Variants in URI1 observed in about 807,000 individuals in gnomAD.
URI1 encodes unconventional prefoldin RPB5 interactor 1.
Under a neutral mutation model 60.2 loss-of-function variants are expected in URI1, and 39 were observed. The ratio of observed to expected loss-of-function variants is 0.65; its 90% CI spans 0.50 to 0.85. The LOEUF (loss-of-function observed/expected upper bound fraction) is 0.85, where lower values mean the gene tolerates loss of function less well. URI1 is among the 40% of genes least tolerant of loss of function. URI1 has a pLI of 0.00. For synonymous variants in URI1, 251 were observed against 236.8 expected, an observed-to-expected ratio of 1.06 and a Z score of -0.55; for missense variants, 691 against 665.9, an observed-to-expected ratio of 1.04 and a Z score of -0.42.
At chr19:29,958,297 T>C (rs1440817555) in intron 1 of URI1, among the ~76,000 whole-genome samples, 2 of 152,160 alleles carry the variant, frequency 1.3e-5, no homozygotes, top group East Asian at 3.8e-4. Flanking sequence ...GTTAGGACAT[T>C]GGGCTTTACA....
chr19:29,942,603 C>G lies in URI1; in HGVS notation c.56C>G (p.Ala19Gly). ...PPDPSPPSAP[A>G]PALVPLRAPD... ...GACCCCTCGCCCCCTTCGGCCCCGG[C>G]CCCTGCCCTGGTTCCGTTGCGCGCC... The change falls in exon 1 of 11, where the codon GCC (alanine) becomes GGC (glycine). Residue 19 changes from alanine to glycine, a missense_variant. Transcript: ENST00000392271. 6.8e-7 allele frequency: 1 copy of G among 1,469,184 alleles called. No homozygotes were observed. The allele number at this position is 1,469,184 out of a possible 1,614,324, so 91.0% of individuals were successfully genotyped here.
intron 1 of URI1, among the ~76,000 whole-genome samples, chr19:29,933,570 T>C (rs918116045): frequency 5.3e-5 from 8 of 152,104 alleles, no homozygotes; most frequent in African/African-American, 1.9e-4. Flanking sequence ...CCTGTAATCC[T>C]AGCACTTTTG....
At chr19:29,962,205 G>A (rs2055334642) in intron 1 of URI1, among the ~76,000 whole-genome samples, 1 of 151,316 alleles carries the variant, frequency 6.6e-6, no homozygotes, top group Non-Finnish European at 1.5e-5. Flanking sequence ...TTACTGGAGT[G>A]TCAAATGGTT....
chr19:29,991,702 T>C (rs1023616222), intron 4 of URI1, among the ~76,000 whole-genome samples: 1 of 152,132 alleles, frequency 6.6e-6, no homozygotes, highest in Non-Finnish European at 1.5e-5. Flanking sequence ...GGGGAAAAAT[T>C]TGGCATTTTA....
chr19:29,949,002 G>A (rs1272117722), intron 1 of URI1, among the ~76,000 whole-genome samples: 2 of 141,862 alleles, frequency 1.4e-5, no homozygotes, highest in Non-Finnish European at 3.1e-5. Context: ...CTGGCCAGGC[G>A]GGGGCTGCCC....
chr19:30,015,501 T>G lies in URI1; in HGVS notation c.*432T>G, dbSNP rs1433442663. On this transcript the variant is annotated 3_prime_UTR_variant, in exon 11 of 11. Transcript: ENST00000392271. ...AATTACATTACTTGCTTTCACATTT[T>G]AAAGGCACTTTAAAAAAATCTACTT... is the stretch of plus-strand genomic sequence containing the variant. 6.6e-7 allele frequency: 1 copy of G among 1,524,170 alleles called. No individual in the cohort carries two copies. Among genetic ancestry groups the G allele is most frequent in the East Asian group, 2.5e-5 (1 of 40,814 alleles). 94.4% of individuals were successfully genotyped at this position (1,524,170 alleles called of 1,614,324 possible).
chr19:29,959,347 T>TG (rs1344821175), intron 1 of URI1, among the ~76,000 whole-genome samples: 1 of 152,150 alleles, frequency 6.6e-6, no homozygotes, highest in African/African-American at 2.4e-5. Context: ...AGGCTGGTCT[T>TG]GAACTTCTGG....
chr19:30,012,532 G>A lies in URI1; in HGVS notation c.1425+1G>A. On this transcript the variant is annotated splice_donor_variant, in intron 10 of 10. Coordinates refer to ENST00000392271, the MANE Select transcript of URI1 (RefSeq NM_003796.3). LOFTEE classifies it high-confidence loss of function. ...TTTGCCCTTATCAGTAACACCTGAG[G>A]TGTGTGTGTGTATCTTTTAATTCTT... The A allele has an allele frequency of 6.2e-7, 1 of 1,612,306 alleles. No homozygotes were observed. The highest frequency in any genetic ancestry group is 8.5e-7 in the Non-Finnish European group (1 of 1,178,930).
At position 30,005,678 on chromosome 19, in the gene URI1, G is replaced by T. The variant is rs1486036777; in HGVS notation, c.487G>T (p.Glu163Ter). 2 of 1,611,998 alleles carry T rather than the reference G, an allele frequency of 1.2e-6. No homozygotes were observed. Among genetic ancestry groups the T allele is most frequent in the Non-Finnish European group, 1.7e-6 (2 of 1,179,142 alleles). ...DAAGDIVDIR[E>*]EIKCDFEFKA... ...TGCAGGTGATATTGTTGACATACGA[G>T]AAGAAATTAAATGTGACTTCGAATT... Residue 163 changes from glutamate to a stop codon, truncating the protein, a stop_gained, in exon 6 of 11, where the codon GAA becomes TAA. Transcript: ENST00000392271. LOFTEE classifies it high-confidence loss of function.
At chr19:29,929,672 G>A (rs1335691659) in intron 1 of URI1, among the ~76,000 whole-genome samples, 2 of 152,096 alleles carry the variant, frequency 1.3e-5, no homozygotes, top group Admixed American at 1.3e-4. Context: ...CTGTCATTGT[G>A]ATTCAGATTT....
At chr19:29,957,168 A>C (rs1386218296) in intron 1 of URI1, among the ~76,000 whole-genome samples, 6 of 152,114 alleles carry the variant, frequency 3.9e-5, no homozygotes, top group Non-Finnish European at 8.8e-5. Context: ...GTTTCTGTTG[A>C]CATCTGCAAC....
At position 29,942,663 on chromosome 19, in the gene URI1, A is replaced by G; in HGVS notation, c.116A>G (p.Lys39Arg). The change falls in exon 1 of 11, where the codon AAG becomes AGG. Residue 39 changes from lysine to arginine, a missense_variant and splice_region_variant. Transcript: ENST00000392271. ...GCGCGGCTGCGCGAGGAGCAGGAAA[A>G]GGTAACTAGCAGCCCCGCGCCGCTT... ...DVARLREEQE[K>R]VVTNCQERIQ... 1.4e-6 allele frequency: 2 copies of G among 1,431,100 alleles called. No individual in the cohort carries two copies. Among genetic ancestry groups the G allele is most frequent in the Admixed American group, 2.5e-5 (1 of 40,420 alleles). 88.7% of individuals were successfully genotyped at this position (1,431,100 alleles called of 1,614,324 possible). A position where few individuals can be genotyped will look rare whatever the true frequency, so the allele number is the denominator to read the frequency against.
chr19:29,924,556 A>G (rs912018140), intron 1 of URI1, among the ~76,000 whole-genome samples: 7 of 152,328 alleles, frequency 4.6e-5, no homozygotes, highest in Non-Finnish European at 1.0e-4. Context: ...CTGTGAGAAC[A>G]GAGGGGCCAG....
Position 30,015,711 on chromosome 19 carries a change from G to A in URI1, c.*642G>A. The A allele has an allele frequency of 1.1e-6, 1 of 891,008 alleles. No homozygotes were observed. 55.2% of individuals were successfully genotyped at this position (891,008 alleles called of 1,614,324 possible). ...CTTTATGAAACTTGGTCTCAAAAAT[G>A]TTGTGAACTTTATGATTCAAAATTG... On this transcript the variant is annotated 3_prime_UTR_variant, in exon 11 of 11. Transcript: ENST00000392271.
At chr19:29,924,568 C>T (rs1290445329) in intron 1 of URI1, among the ~76,000 whole-genome samples, 2 of 152,212 alleles carry the variant, frequency 1.3e-5, no homozygotes, top group Non-Finnish European at 2.9e-5. Context: ...AGGGGCCAGG[C>T]CCTCCGTCTG....
At chr19:29,973,719 A>G (rs1476398501) in intron 2 of URI1, among the ~76,000 whole-genome samples, 1 of 152,158 alleles carries the variant, frequency 6.6e-6, no homozygotes, top group South Asian at 2.1e-4. Flanking sequence ...CTTTGAGAAA[A>G]TTAATTTAAA....
upstream of URI1, among the ~76,000 whole-genome samples, chr19:29,942,013 A>G (rs1323017495): frequency 6.8e-6 from 1 of 146,096 alleles, no homozygotes; most frequent in Non-Finnish European, 1.5e-5. Context: ...CAAAGCCTAT[A>G]TTTAGTGCTT....
At chr19:29,984,847 T>C (rs1359163180) in intron 2 of URI1, among the ~76,000 whole-genome samples, 3 of 151,870 alleles carry the variant, frequency 2.0e-5, no homozygotes, top group African/African-American at 7.3e-5. Flanking sequence ...TGAGGCCAGG[T>C]GCAGTGGCTC....
chr19:30,005,511 G>A (rs2145431965), intron 5 of URI1, 59 bp downstream of exon 5: 5 of 1,493,636 alleles, frequency 3.3e-6, no homozygotes, highest in African/African-American at 2.9e-5. Flanking sequence ...GAAATATGAA[G>A]CTATCTTACA....
Sources: allele counts gnomAD v4.1 joint callset (sites outside exome capture counted in the v4.1 genomes callset), GRCh38; gene constraint gnomAD v4.1.1; transcripts MANE v1.5; gene names NCBI Gene and HGNC (gene_info 2026-07-23, HGNC 2026-07-21).